RNF17: variants seen among roughly 807,000 people sequenced by gnomAD.
RNF17 encodes the protein ring finger protein 17.
Under a neutral mutation model 200.5 loss-of-function variants are expected in RNF17, and 31 were observed. The observed-to-expected ratio is 0.15, with a 90% CI of 0.12 to 0.21. RNF17 has a LOEUF of 0.21. Ranked by LOEUF, RNF17 falls within the 10% of genes least tolerant of loss-of-function variation. RNF17 has a pLI of 1.00. For synonymous variants in RNF17, 606 were observed against 637.8 expected, an observed-to-expected ratio of 0.95 and a Z score of 0.75; for missense variants, 1,628 against 1,905.1, an observed-to-expected ratio of 0.85 and a Z score of 2.71.
intron 22 of RNF17, among the ~76,000 whole-genome samples, chr13:24,846,820 A>G (rs1891304553): frequency 1.3e-5 from 2 of 152,228 alleles, no homozygotes; most frequent in East Asian, 1.9e-4. Context: ...GATTGTCTCA[A>G]ATTTGATCAC....
chr13:24,836,691 A>G (rs1890031762), intron 18 of RNF17, among the ~76,000 whole-genome samples: 1 of 152,228 alleles, frequency 6.6e-6, no homozygotes, highest in Non-Finnish European at 1.5e-5. Flanking sequence ...CCACCACTAC[A>G]AGAACTACTA....
chr13:24,886,386 C>T, the RNF17 span: 4 of 1,288,612 alleles, frequency 3.1e-6, no homozygotes, highest in Non-Finnish European at 1.0e-6. Flanking sequence ...TGTGCTGTGC[C>T]TGTGAGACAG....
the RNF17 span, among the ~76,000 whole-genome samples, chr13:24,758,659 T>C: frequency 1.3e-5 from 2 of 152,184 alleles, no homozygotes; most frequent in Non-Finnish European, 2.9e-5. Context: ...ATTTGTATAT[T>C]GTATCTCTGA....
rs939819438 is a variant in RNF17 at position 24,803,179 on chromosome 13, T to C, written c.1949+608T>C. Among the ~76,000 whole-genome samples, 11 of 152,270 alleles carry C rather than the reference T, an allele frequency of 7.2e-5. No homozygotes were observed. In the South Asian group the frequency reaches 1.4e-3, roughly 20 times the overall value. ...AGCTGTATGAGGATTTCAATAATTA[T>C]AGTTTAACTGTTCCTAAATTTTCCT... On this transcript the variant is annotated intron_variant, in intron 14 of 35. Transcript: ENST00000255324.
intron 12 of RNF17, 54 bp from the exon 13 acceptor site, chr13:24,800,308 AAAAC>A: frequency 7.9e-7 from 1 of 1,266,304 alleles, no homozygotes; most frequent in Non-Finnish European, 1.1e-6. Flanking sequence ...TCTGTGGGGG[AAAAC>A]AAATTTAAGT....
chr13:24,876,965 GA>G, intron 33 of RNF17, 31 bp from the exon 34 acceptor site: 4 of 1,530,148 alleles, frequency 2.6e-6, no homozygotes, highest in Non-Finnish European at 3.5e-6. Flanking sequence ...AGCCGGAAGA[GA>G]ATTTTAATGT....
At chr13:24,801,321 T>C (rs949361952) in intron 13 of RNF17, among the ~76,000 whole-genome samples, 14 of 152,206 alleles carry the variant, frequency 9.2e-5, no homozygotes, top group African/African-American at 3.1e-4. Context: ...ACTTTCAATA[T>C]GTTACGTAAA....
chr13:24,766,453 A>G (rs1242734964), intron 1 of RNF17, among the ~76,000 whole-genome samples: 2 of 152,224 alleles, frequency 1.3e-5, no homozygotes, highest in South Asian at 2.1e-4. Flanking sequence ...AAGTTACGAT[A>G]TTTCCTTTCA....
In RNF17 at chr13:24,825,639, A is replaced by T; in HGVS notation, c.2112A>T (p.Leu704Phe). The T allele has an allele frequency of 6.3e-7, 1 of 1,598,414 alleles. No individual in the cohort carries two copies. The highest frequency in any genetic ancestry group is 1.1e-5 in the South Asian group (1 of 90,596). Residue 704 changes from leucine to phenylalanine, a missense_variant, in exon 16 of 36, where the codon TTA (leucine) becomes TTT (phenylalanine). By Grantham distance (22) the Leu-to-Phe change is conservative (BLOSUM62 0). Coordinates refer to ENST00000255324, the MANE Select transcript of RNF17 (RefSeq NM_031277.3). ...YLQLIEGLDILFLLKTIEEFY... is the reference protein window; with the variant it reads ...YLQLIEGLDIFFLLKTIEEFY... The stretch of plus-strand genomic sequence containing the variant: ...ACTAGATAGAGGGCCTGGATATTTT[A>T]TTTCTATTAAAGACAATCGAGGAAT...
At chr13:24,871,368 C>T (rs978631490) in intron 32 of RNF17, among the ~76,000 whole-genome samples, 7 of 152,286 alleles carry the variant, frequency 4.6e-5, no homozygotes, top group Admixed American at 2.6e-4. Flanking sequence ...GACAGAGTCT[C>T]GTTTTGTCGC....
chr13:24,884,602 G>A (rs1953957766), downstream of RNF17: 1 of 827,066 alleles, frequency 1.2e-6, no homozygotes, highest in South Asian at 1.4e-5. Context: ...ATTTCGTGAG[G>A]AGTAGCAAAC....
At chr13:24,748,021 C>A in the RNF17 span, among the ~76,000 whole-genome samples, 3 of 152,246 alleles carry the variant, frequency 2.0e-5, no homozygotes, top group Non-Finnish European at 4.4e-5. Context: ...TGCTGGACTT[C>A]CCTCCCGCTC....
chr13:24,850,564 G>T (rs762380604), intron 23 of RNF17, 121 bp downstream of exon 23: 4 of 640,588 alleles, frequency 6.2e-6, no homozygotes, highest in Admixed American at 5.7e-5. Context: ...AAATTTTGTC[G>T]GTTTTATTTC....
chr13:24,859,523 C>T (rs796964463), intron 26 of RNF17, among the ~76,000 whole-genome samples: 12 of 151,908 alleles, frequency 7.9e-5, no homozygotes, highest in South Asian at 2.1e-4. Context: ...TTCAGGATAA[C>T]GACTAATTTA....
At chr13:24,789,522 G>A (rs1046044706) in intron 8 of RNF17, 98 bp downstream of exon 8, 8 of 1,026,434 alleles carry the variant, frequency 7.8e-6, no homozygotes, top group Non-Finnish European at 1.2e-5. Flanking sequence ...GAAATTTTGG[G>A]TCACAAATGT....
the RNF17 span, among the ~76,000 whole-genome samples, chr13:24,758,932 C>T: frequency 2.0e-5 from 3 of 151,794 alleles, no homozygotes; most frequent in African/African-American, 4.8e-5. Flanking sequence ...AAAAATTAGC[C>T]GGGCGTGGTG....
intron 34 of RNF17, among the ~76,000 whole-genome samples, chr13:24,877,577 AT>A (rs1284751877): frequency 6.6e-6 from 1 of 152,194 alleles, no homozygotes; most frequent in Non-Finnish European, 1.5e-5. Flanking sequence ...AGAAGAAATG[AT>A]TATTTGCATC....
chr13:24,811,592 C>G (rs944871727), intron 15 of RNF17, among the ~76,000 whole-genome samples: 1 of 152,030 alleles, frequency 6.6e-6, no homozygotes, highest in Non-Finnish European at 1.5e-5. Context: ...TTTGAATGTC[C>G]TCCCGTAGCT....
chr13:24,782,025 G>A, intron 6 of RNF17, 81 bp downstream of exon 6: 1 of 915,814 alleles, frequency 1.1e-6, no homozygotes, highest in Non-Finnish European at 1.7e-6. Flanking sequence ...GTTTAGAATG[G>A]TAATGGGTAA....
Sources: gnomAD v4.1 joint callset for allele counts (sites outside exome capture counted in the v4.1 genomes callset) on GRCh38, gnomAD v4.1.1 for gene constraint, MANE v1.5 for transcripts, NCBI Gene and HGNC (gene_info 2026-07-23, HGNC 2026-07-21) for gene names.